TANK: variants seen among roughly 807,000 people sequenced by gnomAD.
TANK encodes the protein TRAF family member associated NFKB activator, also known as TRAF family member-associated NF-kappa-B activator.
A neutral mutation model predicts 43.6 loss-of-function variants in TANK; 15 were observed. The ratio of observed to expected loss-of-function variants is 0.34; its 90% CI spans 0.23 to 0.53. The LOEUF is 0.53. Ranked by LOEUF, TANK falls within the 20% of genes least tolerant of loss-of-function variation. The pLI is 0.94. For synonymous variants in TANK, 162 were observed against 178.2 expected (o/e 0.91, Z 0.73); for missense variants, 417 against 498.6 (o/e 0.84, Z 1.56).
At chr2:161,191,752 G>A (rs1685925272) in intron 2 of TANK, among the ~76,000 whole-genome samples, 2 of 152,058 alleles carry the variant, frequency 1.3e-5, no homozygotes, top group Non-Finnish European at 2.9e-5. Context: ...CTCATATCAT[G>A]AATACCTGAC....
At chr2:161,232,005 ATCTT>A (rs1490896838) in intron 7 of TANK, among the ~76,000 whole-genome samples, 10 of 152,258 alleles carry the variant, frequency 6.6e-5, no homozygotes, top group African/African-American at 1.4e-4. Context: ...TAAGTGAACT[ATCTT>A]TCAGTGAATA....
chr2:161,147,678 C>A (rs963461252), intron 1 of TANK, among the ~76,000 whole-genome samples: 2 of 152,166 alleles, frequency 1.3e-5, no homozygotes, highest in Non-Finnish European at 2.9e-5. Flanking sequence ...TGGATACCTC[C>A]GTTGCCAGTG....
chr2:161,213,038 G>C (rs1686961234), intron 4 of TANK, among the ~76,000 whole-genome samples: 2 of 152,192 alleles, frequency 1.3e-5, no homozygotes, highest in Admixed American at 1.3e-4. Flanking sequence ...GCAAGAGAGA[G>C]AGGGGAGGTG....
chr2:161,163,220 C>G (rs1053536038), intron 1 of TANK: 1 of 152,122 alleles, frequency 6.6e-6, no homozygotes, highest in Non-Finnish European at 1.5e-5. Flanking sequence ...CTTTGAAGAT[C>G]TGAAAGAATT....
intron 1 of TANK, among the ~76,000 whole-genome samples, chr2:161,148,588 C>T (rs1683983822): frequency 1.3e-5 from 2 of 152,048 alleles, no homozygotes; most frequent in Non-Finnish European, 2.9e-5. Context: ...AATCCATTGC[C>T]AAATCCAATG....
At chr2:161,229,935 T>A (rs1254668609) in intron 6 of TANK, among the ~76,000 whole-genome samples, 1 of 152,204 alleles carries the variant, frequency 6.6e-6, no homozygotes, top group Non-Finnish European at 1.5e-5. Context: ...GAGAGTACTT[T>A]GATGATTGTT....
intron 1 of TANK, among the ~76,000 whole-genome samples, chr2:161,173,450 C>T (rs1685041501): frequency 6.6e-6 from 1 of 152,154 alleles, no homozygotes; most frequent in South Asian, 2.1e-4. Context: ...AAGCCTTCCA[C>T]AATCCTTATT....
intron 2 of TANK, chr2:161,180,188 G>A: frequency 3.6e-6 from 3 of 832,824 alleles, no homozygotes; most frequent in Non-Finnish European, 4.3e-6. Flanking sequence ...AACTAAATTT[G>A]GTATTAATTT....
At chr2:161,208,662 C>T (rs1030080162) in intron 4 of TANK, among the ~76,000 whole-genome samples, 7 of 151,484 alleles carry the variant, frequency 4.6e-5, no homozygotes, top group Non-Finnish European at 8.8e-5. Flanking sequence ...TGCAGTCATC[C>T]GAAGGCTTAA....
intron 1 of TANK, among the ~76,000 whole-genome samples, chr2:161,168,311 A>G (rs561613526): frequency 6.6e-6 from 1 of 152,316 alleles, no homozygotes; most frequent in South Asian, 2.1e-4. Context: ...CCAGTACAGA[A>G]GATTCAAAAC....
intron 1 of TANK, among the ~76,000 whole-genome samples, chr2:161,138,662 C>A (rs1347081557): frequency 6.6e-6 from 1 of 152,150 alleles, no homozygotes; most frequent in African/African-American, 2.4e-5. Flanking sequence ...GTCTAACCTG[C>A]CTTCAGGTTC....
intron 1 of TANK, chr2:161,161,941 A>G (rs1299781853): frequency 1.3e-5 from 2 of 152,238 alleles, no homozygotes; most frequent in Non-Finnish European, 2.9e-5. Flanking sequence ...AAATTCTTAA[A>G]ATCTTCTCCT....
intron 2 of TANK, among the ~76,000 whole-genome samples, chr2:161,184,847 G>A (rs1376603995): frequency 6.6e-6 from 1 of 152,192 alleles, no homozygotes; most frequent in East Asian, 1.9e-4. Flanking sequence ...AATGCCAATG[G>A]ATGGTTGTAA....
intron 4 of TANK, among the ~76,000 whole-genome samples, chr2:161,218,075 A>T (rs1687197210): frequency 6.6e-6 from 1 of 152,156 alleles, no homozygotes; most frequent in South Asian, 2.1e-4. Context: ...TATGTTAACA[A>T]GTGACTCGTT....
intron 1 of TANK, among the ~76,000 whole-genome samples, chr2:161,162,333 G>T (rs1279253583): frequency 6.6e-6 from 1 of 151,810 alleles, no homozygotes; most frequent in Non-Finnish European, 1.5e-5. Flanking sequence ...AACATAAACT[G>T]TTCATGCTTC....
At chr2:161,222,549 T>A (rs1388000105) in intron 4 of TANK, among the ~76,000 whole-genome samples, 1 of 152,122 alleles carries the variant, frequency 6.6e-6, no homozygotes, top group Non-Finnish European at 1.5e-5. Flanking sequence ...CACACTAAAA[T>A]CCATTGAGTG....
intron 1 of TANK, among the ~76,000 whole-genome samples, chr2:161,137,412 T>C (rs1443316689): frequency 1.3e-5 from 2 of 152,036 alleles, no homozygotes; most frequent in Non-Finnish European, 2.9e-5. Context: ...CCAAGGAAAA[T>C]TTTAAATTTT....
At chr2:161,197,380 A>G (rs1446355039) in intron 2 of TANK, 2 of 152,206 alleles carry the variant, frequency 1.3e-5, no homozygotes, top group African/African-American at 4.8e-5. Context: ...TTTCTCGTGA[A>G]GAAACACCTG....
chr2:161,188,459 A>G (rs926080357), intron 2 of TANK, among the ~76,000 whole-genome samples: 2 of 152,182 alleles, frequency 1.3e-5, no homozygotes, highest in Non-Finnish European at 2.9e-5. Context: ...CACACTAACT[A>G]CTAAGAATGA....
Sources: gnomAD v4.1 joint callset for allele counts (sites outside exome capture counted in the v4.1 genomes callset) on GRCh38, gnomAD v4.1.1 for gene constraint, MANE v1.5 for transcripts, NCBI Gene and HGNC (gene_info 2026-07-23, HGNC 2026-07-21) for gene names.